Variants in JAKMIP2 observed in about 807,000 individuals in gnomAD.
JAKMIP2 encodes the protein janus kinase and microtubule-interacting protein 2.
Under a neutral mutation model 115.0 loss-of-function variants are expected in JAKMIP2, and 25 were observed. That is an observed-to-expected ratio of 0.22 (90% CI 0.16 to 0.30). JAKMIP2 has a LOEUF of 0.30. JAKMIP2 is among the 10% of genes least tolerant of loss of function. The pLI, the probability that JAKMIP2 is intolerant of heterozygous loss-of-function variation, is 1.00. For synonymous variants in JAKMIP2, 334 were observed against 343.6 expected (o/e 0.97, Z 0.31); for missense variants, 642 against 957.6 (o/e 0.67, Z 4.35).
At chr5:147,703,609 T>A (rs879616202) in intron 1 of JAKMIP2, among the ~76,000 whole-genome samples, 1 of 151,492 alleles carries the variant, frequency 6.6e-6, no homozygotes, top group Non-Finnish European at 1.5e-5. Context: ...TTTTTTTTTT[T>A]AGTGACAAGA....
chr5:147,642,351 A>G (rs1459017758), intron 7 of JAKMIP2, among the ~76,000 whole-genome samples: 1 of 152,194 alleles, frequency 6.6e-6, no homozygotes, highest in African/African-American at 2.4e-5. Flanking sequence ...GCCTAGAAAT[A>G]TTGATCAATT....
At chr5:147,702,454 GAA>G (rs1491467803) in intron 1 of JAKMIP2, among the ~76,000 whole-genome samples, 25 of 125,772 alleles carry the variant, frequency 2.0e-4, no homozygotes, top group African/African-American at 7.7e-4. Context: ...AGGAAGGAAG[GAA>G]GGAAGGAAGG....
intron 1 of JAKMIP2, among the ~76,000 whole-genome samples, chr5:147,753,859 T>C (rs1754650400): frequency 6.6e-6 from 1 of 151,238 alleles, no homozygotes; most frequent in African/African-American, 2.4e-5. Flanking sequence ...TAGCTAAAGG[T>C]TCCACTAGGC....
chr5:147,664,082 T>G (rs1211838952), intron 2 of JAKMIP2, among the ~76,000 whole-genome samples: 1 of 152,256 alleles, frequency 6.6e-6, no homozygotes, highest in African/African-American at 2.4e-5. Flanking sequence ...TAAACGATAT[T>G]ATTACAACTG....
chr5:147,626,371 G>A (rs547160972), intron 16 of JAKMIP2, among the ~76,000 whole-genome samples: 2 of 152,272 alleles, frequency 1.3e-5, no homozygotes, highest in East Asian at 3.9e-4. Context: ...AGAGGCATGG[G>A]CTAATTTGCC....
chr5:147,702,604 GA>G (rs1471016283), intron 1 of JAKMIP2, among the ~76,000 whole-genome samples: 10 of 11,056 alleles, frequency 9.0e-4, no homozygotes, highest in South Asian at 2.3e-3. Context: ...AAGAAAGAAG[GA>G]AAGAAAGAAA....
chr5:147,611,476 C>T (rs10045944), intron 20 of JAKMIP2, among the ~76,000 whole-genome samples: 116,168 of 152,070 alleles, frequency 0.76, 45,651 homozygotes, highest in Non-Finnish European at 0.87. Flanking sequence ...GGTGAGGCAA[C>T]ACCCCACCCT....
rs774493533 is a variant in JAKMIP2 at position 147,628,740 on chromosome 5, C to A, written c.1995+11G>T. 3 of 1,604,716 alleles carry A rather than the reference C, an allele frequency of 1.9e-6. No individual in the cohort carries two copies. The African/African-American group carries it at 4.0e-5, about 21-fold the overall frequency. On this transcript the variant is annotated intron_variant, in intron 16 of 21. Transcript: ENST00000616793. ...ACCGAGATGATTTGAAATGTTTGTA[C>A]GGCTCATTACCTTCTCTGCCAGGGA...
chr5:147,715,732 A>C (rs1361287969), intron 1 of JAKMIP2, among the ~76,000 whole-genome samples: 1 of 151,910 alleles, frequency 6.6e-6, no homozygotes, highest in East Asian at 1.9e-4. Context: ...TTTTCCTAAA[A>C]CATTCATCTC....
intron 1 of JAKMIP2, among the ~76,000 whole-genome samples, chr5:147,729,239 A>G (rs1018627592): frequency 1.3e-5 from 2 of 152,094 alleles, no homozygotes; most frequent in Admixed American, 6.5e-5. Context: ...TAGCCCTTTC[A>G]TGACTGTTTT....
intron 1 of JAKMIP2, among the ~76,000 whole-genome samples, chr5:147,714,081 C>A (rs1752878452): frequency 6.6e-6 from 1 of 152,022 alleles, no homozygotes; most frequent in African/African-American, 2.4e-5. Flanking sequence ...ACTTCACACA[C>A]AATAAAAGGT....
intron 1 of JAKMIP2, among the ~76,000 whole-genome samples, chr5:147,782,178 A>G: frequency 6.6e-6 from 1 of 152,108 alleles, no homozygotes; most frequent in East Asian, 1.9e-4. Flanking sequence ...GCTGTTGCTA[A>G]GCTTAGGAAA....
chr5:147,587,378 T>C lies in JAKMIP2; in HGVS notation c.*4329A>G, dbSNP rs1400373918. 1 of 151,810 alleles carries C rather than the reference T, an allele frequency of 6.6e-6. No homozygotes were observed. Among genetic ancestry groups the C allele is most frequent in the Non-Finnish European group, 1.5e-5 (1 of 67,972 alleles). 9.4% of individuals were successfully genotyped at this position (151,810 alleles called of 1,614,324 possible). ...AAATTTCACAAAAGGCAACAAGCAA[T>C]GCAACTCCCAAATTACAGAGCAAAT... is the stretch of plus-strand genomic sequence containing the variant. On this transcript the variant is annotated 3_prime_UTR_variant, in exon 22 of 22. Transcript: ENST00000616793.
At chr5:147,648,160 G>A (rs937785779) in intron 5 of JAKMIP2, among the ~76,000 whole-genome samples, 6 of 152,114 alleles carry the variant, frequency 3.9e-5, no homozygotes, top group African/African-American at 7.2e-5. Flanking sequence ...TAATTGGGAG[G>A]GGTCACAAGA....
intron 1 of JAKMIP2, among the ~76,000 whole-genome samples, chr5:147,769,685 C>CT (rs201171068): frequency 0.012 from 1,521 of 127,648 alleles, 10 homozygotes; most frequent in African/African-American, 0.03. Context: ...GAGACAAGAT[C>CT]TTTTTTTTTT....
intron 8 of JAKMIP2, 126 bp from the exon 9 acceptor site, chr5:147,640,949 T>A: frequency 1.3e-6 from 1 of 741,350 alleles, no homozygotes; most frequent in Non-Finnish European, 2.1e-6. Context: ...TGCTTCTTTG[T>A]TGAAATAAAA....
intron 1 of JAKMIP2, among the ~76,000 whole-genome samples, chr5:147,707,725 C>T (rs1040265338): frequency 1.3e-4 from 20 of 152,092 alleles, no homozygotes; most frequent in African/African-American, 4.8e-4. Context: ...GGATGTAATG[C>T]ACAACAGTGG....
At chr5:147,679,219 G>C (rs960833570) in intron 1 of JAKMIP2, among the ~76,000 whole-genome samples, 15 of 152,092 alleles carry the variant, frequency 9.9e-5, no homozygotes, top group Non-Finnish European at 2.1e-4. Context: ...GTGCTCAAGA[G>C]ATCTGCCCAC....
At chr5:147,774,545 A>T (rs933938094) in intron 1 of JAKMIP2, among the ~76,000 whole-genome samples, 1 of 152,186 alleles carries the variant, frequency 6.6e-6, no homozygotes, top group South Asian at 2.1e-4. Context: ...GTACTTATTT[A>T]AAATATTGTC....
Sources: gnomAD v4.1 joint callset for allele counts (sites outside exome capture counted in the v4.1 genomes callset) on GRCh38, gnomAD v4.1.1 for gene constraint, MANE v1.5 for transcripts, NCBI Gene and HGNC (gene_info 2026-07-23, HGNC 2026-07-21) for gene names.